Variants in CHN1 observed in about 807,000 individuals in gnomAD.
CHN1 encodes chimerin 1.
CHN1 carries 37 observed loss-of-function variants against 59.5 expected under a neutral mutation model. The ratio of observed to expected loss-of-function variants is 0.62; its 90% confidence interval spans 0.48 to 0.82. CHN1 has a LOEUF of 0.82. Among genes scored for constraint, CHN1 ranks in the 40% least tolerant of loss-of-function variants. The pLI, the probability that CHN1 is intolerant of heterozygous loss-of-function variation, is 0.00. For missense variants in CHN1, 469 were observed against 571.0 expected, an observed-to-expected ratio of 0.82 and a Z score of 1.82; for synonymous variants, 206 against 200.4, an observed-to-expected ratio of 1.03 and a Z score of -0.24.
chr2:174,836,425 G>A (rs961667988), intron 7 of CHN1, among the ~76,000 whole-genome samples: 1 of 152,134 alleles, frequency 6.6e-6, no homozygotes, highest in Non-Finnish European at 1.5e-5. Context: ...GACTTTAATA[G>A]GCTTCAGTTT....
At chr2:174,962,761 T>G (rs1338610877) in intron 1 of CHN1, among the ~76,000 whole-genome samples, 2 of 139,530 alleles carry the variant, frequency 1.4e-5, no homozygotes, top group African/African-American at 5.4e-5. Flanking sequence ...AATACAAAAA[T>G]TAGCCGGGCA....
At chr2:174,977,178 T>C (rs1409225004) in intron 1 of CHN1, among the ~76,000 whole-genome samples, 1 of 152,220 alleles carries the variant, frequency 6.6e-6, no homozygotes, top group Non-Finnish European at 1.5e-5. Flanking sequence ...ACTCTGCTTT[T>C]GTAGCAGAAA....
At chr2:174,974,092 C>T (rs1690844133) in intron 1 of CHN1, among the ~76,000 whole-genome samples, 1 of 152,128 alleles carries the variant, frequency 6.6e-6, no homozygotes, top group African/African-American at 2.4e-5. Context: ...ACTCAAAATA[C>T]CGTGACAATG....
chr2:174,821,021 C>T (rs1397132893), intron 8 of CHN1, among the ~76,000 whole-genome samples: 1 of 152,174 alleles, frequency 6.6e-6, no homozygotes, highest in African/African-American at 2.4e-5. Flanking sequence ...TGACAGCCCA[C>T]CATTTTTCTT....
intron 5 of CHN1, among the ~76,000 whole-genome samples, chr2:174,910,597 T>G (rs1244966872): frequency 1.3e-5 from 2 of 152,130 alleles, no homozygotes; most frequent in Non-Finnish European, 2.9e-5. Flanking sequence ...AAAGGCCTTT[T>G]GGCATTTATG....
chr2:175,005,074 G>A lies in CHN1; in HGVS notation c.-162C>T, dbSNP rs1692021052. On this transcript the variant is annotated 5_prime_UTR_variant, in exon 1 of 13. Coordinates refer to ENST00000409900, the MANE Select transcript of CHN1 (RefSeq NM_001822.7). ...GGGGAGGCTGCAGGCCGGGACGCGG[G>A]GGACCGCTGCAAGAAAAAGTTATTC... 2 of 1,338,384 alleles carry A rather than the reference G, an allele frequency of 1.5e-6. No homozygotes were observed. Among genetic ancestry groups the A allele is most frequent in the Admixed American group, 3.4e-5 (1 of 28,998 alleles). The allele number at this position is 1,338,384 out of a possible 1,614,324, so 82.9% of individuals were successfully genotyped here. A position where few individuals can be genotyped will look rare whatever the true frequency, so the allele number is the denominator to read the frequency against.
chr2:174,971,241 C>T (rs1690748374), intron 1 of CHN1, among the ~76,000 whole-genome samples: 2 of 152,110 alleles, frequency 1.3e-5, no homozygotes, highest in South Asian at 2.1e-4. Flanking sequence ...TGGCATGAAC[C>T]CGGGAGGCGG....
chr2:174,823,259 T>C (rs890698446), intron 8 of CHN1, among the ~76,000 whole-genome samples: 1 of 152,210 alleles, frequency 6.6e-6, no homozygotes, highest in African/African-American at 2.4e-5. Context: ...CTAAAAGACA[T>C]GTAAGAAGAT....
chr2:174,821,232 G>T (rs1357419472), intron 8 of CHN1, among the ~76,000 whole-genome samples: 2 of 152,112 alleles, frequency 1.3e-5, no homozygotes, highest in Admixed American at 1.3e-4. Context: ...AGGCTTAGGG[G>T]AGAATCCACT....
chr2:174,987,865 T>C (rs1436294941), intron 1 of CHN1, among the ~76,000 whole-genome samples: 1 of 152,162 alleles, frequency 6.6e-6, no homozygotes, highest in Non-Finnish European at 1.5e-5. Context: ...TATAGATGTG[T>C]TGTCTTCTTA....
intron 6 of CHN1, among the ~76,000 whole-genome samples, chr2:174,853,647 C>G (rs560192996): frequency 3.9e-5 from 6 of 152,248 alleles, no homozygotes; most frequent in Non-Finnish European, 7.4e-5. Flanking sequence ...ACATGCACTT[C>G]CATGTTCATC....
At chr2:174,895,041 ACACG>A (rs1012325824) in intron 5 of CHN1, among the ~76,000 whole-genome samples, 11 of 141,740 alleles carry the variant, frequency 7.8e-5, no homozygotes, top group African/African-American at 3.1e-4. Context: ...ATACACACAC[ACACG>A]CGCGCACACA....
At chr2:174,922,801 T>C (rs1689052037) in intron 3 of CHN1, among the ~76,000 whole-genome samples, 1 of 152,038 alleles carries the variant, frequency 6.6e-6, no homozygotes, top group Admixed American at 6.5e-5. Context: ...ATATACACAG[T>C]TTGAAGGAAT....
At position 174,812,330 on chromosome 2, in the gene CHN1, T is replaced by C; in HGVS notation, c.865A>G (p.Ile289Val). ...TKRPMVVDMC[I>V]REIESRGLNS... Reference sequence around the variant, plus strand: ...TCACCTCTAGACTCAATCTCCCTGATGCACATGTCTACCACCATTGGCCGC... The same window carrying C: ...TCACCTCTAGACTCAATCTCCCTGACGCACATGTCTACCACCATTGGCCGC... Residue 289 changes from isoleucine to valine, a missense_variant, in exon 9 of 13, where the codon ATC (isoleucine) becomes GTC (valine). This residue lies in a region of CHN1 where 225 missense variants were observed against 289.9 expected (regional missense o/e 0.78). Coordinates refer to ENST00000409900, the MANE Select transcript of CHN1 (RefSeq NM_001822.7). 2 of 1,613,462 alleles carry C rather than the reference T, an allele frequency of 1.2e-6. No individual in the cohort carries two copies. Among genetic ancestry groups the C allele is most frequent in the Non-Finnish European group, 1.7e-6 (2 of 1,179,528 alleles).
intron 6 of CHN1, among the ~76,000 whole-genome samples, chr2:174,865,708 T>C (rs1170477137): frequency 6.6e-6 from 1 of 152,194 alleles, no homozygotes; most frequent in East Asian, 1.9e-4. Context: ...TTTGATTGGC[T>C]CAAAGATTTA....
chr2:174,840,795 A>C (rs904685340), intron 7 of CHN1, among the ~76,000 whole-genome samples: 1 of 152,188 alleles, frequency 6.6e-6, no homozygotes, highest in African/African-American at 2.4e-5. Flanking sequence ...ATATTGAAAG[A>C]GCCAATCTTT....
chr2:174,868,535 C>T (rs1323895113), intron 6 of CHN1, among the ~76,000 whole-genome samples: 3 of 152,160 alleles, frequency 2.0e-5, no homozygotes, highest in African/African-American at 4.8e-5. Flanking sequence ...AACTAATATG[C>T]AAATAATTTA....
intron 1 of CHN1, among the ~76,000 whole-genome samples, chr2:174,966,624 T>C (rs1433554267): frequency 1.3e-5 from 2 of 152,196 alleles, no homozygotes; most frequent in African/African-American, 2.4e-5. Flanking sequence ...CTCAAATCTT[T>C]CACTATACTC....
intron 2 of CHN1, among the ~76,000 whole-genome samples, chr2:174,947,066 A>G (rs903529925): frequency 6.6e-6 from 1 of 152,150 alleles, no homozygotes; most frequent in African/African-American, 2.4e-5. Flanking sequence ...ATCTATGAAA[A>G]CCCAATTCTG....
Sources: allele counts gnomAD v4.1 joint callset (sites outside exome capture counted in the v4.1 genomes callset), GRCh38; gene constraint gnomAD v4.1.1; regional missense constraint gnomAD v4.1.1; transcripts MANE v1.5; gene names NCBI Gene and HGNC (gene_info 2026-07-23, HGNC 2026-07-21).